The following PPP4R4 variants were observed in gnomAD, a reference collection of about 807,000 sequenced individuals.
PPP4R4 encodes the protein protein phosphatase 4 regulatory subunit 4.
Under a neutral mutation model 121.8 loss-of-function variants are expected in PPP4R4, and 70 were observed. The ratio of observed to expected loss-of-function variants is 0.57; its 90% CI spans 0.47 to 0.70. PPP4R4 has a LOEUF of 0.70. Ranked by LOEUF, PPP4R4 falls within the 30% of genes least tolerant of loss-of-function variation. The pLI is 0.00. For missense variants in PPP4R4, 875 were observed against 1,033.6 expected, an observed-to-expected ratio of 0.85 and a Z score of 2.10; for synonymous variants, 348 against 355.7, an observed-to-expected ratio of 0.98 and a Z score of 0.24.
chr14:94,254,042 C>T (rs146665937), intron 16 of PPP4R4, among the ~76,000 whole-genome samples: 1 of 152,292 alleles, frequency 6.6e-6, no homozygotes, highest in Non-Finnish European at 1.5e-5. Flanking sequence ...CTTCTGTGTG[C>T]ATTGATTTCC....
intron 3 of PPP4R4, among the ~76,000 whole-genome samples, chr14:94,224,802 G>A (rs769163152): frequency 5.9e-5 from 9 of 152,130 alleles, no homozygotes; most frequent in Admixed American, 2.0e-4. Flanking sequence ...ATTTAAAGTC[G>A]TTGGTGTGGA....
Position 94,241,945 on chromosome 14 carries a change from T to C in PPP4R4, c.1134T>C (p.Ala378=). Reference sequence around the variant, plus strand: ...ATATTTCAGTACGGAAGAACTGTGCTTATAACTTTCCGGTAATAAATATGT... The same window carrying C: ...ATATTTCAGTACGGAAGAACTGTGCCTATAACTTTCCGGTAATAAATATGT... ...KKYISVRKNC[A]YNFPAMIVFV... The change falls in exon 10 of 25, where the codon GCT becomes GCC. Residue 378 remains alanine, a synonymous_variant. Coordinates refer to ENST00000304338, the MANE Select transcript of PPP4R4 (RefSeq NM_058237.2). 2.5e-6 allele frequency: 4 copies of C among 1,591,390 alleles called. No individual in the cohort carries two copies. Among genetic ancestry groups the C allele is most frequent in the Non-Finnish European group, 3.4e-6 (4 of 1,171,934 alleles).
Position 94,259,369 on chromosome 14 carries a change from G to A in PPP4R4, c.2127G>A (p.Met709Ile). Residue 709 changes from methionine to isoleucine, a missense_variant and splice_region_variant, in exon 19 of 25, where the codon ATG (methionine) becomes ATA (isoleucine). By Grantham distance (10) the Met-to-Ile change is conservative (BLOSUM62 1). Coordinates refer to ENST00000304338, the MANE Select transcript of PPP4R4 (RefSeq NM_058237.2). ...GAGAAGAACTACTTCTTTTGGAAAT[G>A]GTATGTTGTTTTCACATGCACACAC... ...KEREELLLLE[M>I]EQLEKEKQQN... 1 of 1,606,840 alleles carries A rather than the reference G, an allele frequency of 6.2e-7. No individual in the cohort carries two copies. Among genetic ancestry groups the A allele is most frequent in the Non-Finnish European group, 8.5e-7 (1 of 1,177,718 alleles).
chr14:94,248,157 G>GA (rs1892991825), intron 14 of PPP4R4, among the ~76,000 whole-genome samples: 1 of 152,156 alleles, frequency 6.6e-6, no homozygotes. Context: ...TCTATACCTA[G>GA]AAAACCCTAA....
chr14:94,207,685 G>T (rs1048292215), intron 2 of PPP4R4, among the ~76,000 whole-genome samples: 5 of 151,058 alleles, frequency 3.3e-5, no homozygotes, highest in Admixed American at 2.6e-4. Flanking sequence ...GCATCTTTTT[G>T]ATATATATAT....
chr14:94,262,542 T>C (rs949208888), intron 19 of PPP4R4, among the ~76,000 whole-genome samples: 3 of 151,990 alleles, frequency 2.0e-5, no homozygotes, highest in African/African-American at 7.2e-5. Context: ...TACAAATCTC[T>C]TTACCTCCTC....
chr14:94,208,675 T>C lies in PPP4R4; in HGVS notation c.294+109T>C, dbSNP rs1045348098. ...ATGGCTGATCTTTTGCACCTAAAAA[T>C]TGAGTGGAGGAAGTGTTATTATATA... On this transcript the variant is annotated intron_variant, in intron 3 of 24. Coordinates refer to ENST00000304338, the MANE Select transcript of PPP4R4 (RefSeq NM_058237.2). The C allele has an allele frequency of 2.1e-5, 15 of 704,942 alleles. No individual in the cohort carries two copies. In the African/African-American group the frequency reaches 2.5e-4, roughly 12 times the overall value. The allele number at this position is 704,942 out of a possible 1,614,324, so 43.7% of individuals were successfully genotyped here.
chr14:94,262,210 T>G (rs1443378471), intron 19 of PPP4R4, among the ~76,000 whole-genome samples: 1 of 152,058 alleles, frequency 6.6e-6, no homozygotes, highest in Non-Finnish European at 1.5e-5. Context: ...GATAATTGAT[T>G]CTATTTCCTT....
intron 19 of PPP4R4, among the ~76,000 whole-genome samples, chr14:94,264,475 T>G (rs1460014954): frequency 6.6e-6 from 1 of 152,136 alleles, no homozygotes; most frequent in Non-Finnish European, 1.5e-5. Flanking sequence ...TATACTTAAA[T>G]AAAGCATTTA....
At chr14:94,269,231 C>T (rs1363234490) in intron 23 of PPP4R4, among the ~76,000 whole-genome samples, 2 of 152,094 alleles carry the variant, frequency 1.3e-5, no homozygotes, top group African/African-American at 2.4e-5. Context: ...TTAAGGTATG[C>T]TAGGATTTTG....
At chr14:94,210,849 A>G (rs905706290) in intron 3 of PPP4R4, among the ~76,000 whole-genome samples, 3 of 152,026 alleles carry the variant, frequency 2.0e-5, no homozygotes, top group Admixed American at 2.0e-4. Context: ...ACATTTAATC[A>G]CTCCCATTTC....
chr14:94,184,632 C>T (rs914311035), intron 2 of PPP4R4, among the ~76,000 whole-genome samples: 5 of 152,136 alleles, frequency 3.3e-5, no homozygotes, highest in East Asian at 1.9e-4. Flanking sequence ...TAAATCTGTA[C>T]GTCTTTCAGT....
At chr14:94,191,733 A>G (rs1889614115) in intron 2 of PPP4R4, among the ~76,000 whole-genome samples, 2 of 152,192 alleles carry the variant, frequency 1.3e-5, no homozygotes, top group Non-Finnish European at 1.5e-5. Flanking sequence ...CTGTTTTGAC[A>G]TGGCATTGAT....
At chr14:94,245,693 A>G (rs1012838325) in intron 13 of PPP4R4, 23 bp downstream of exon 13, 1 of 1,489,544 alleles carries the variant, frequency 6.7e-7, no homozygotes, top group Non-Finnish European at 9.3e-7. Context: ...TTTCAGAAAC[A>G]TTCTGAGTTG....
rs897422584 is a variant in PPP4R4 at position 94,228,983 on chromosome 14, G to A, written c.295-1604G>A. ...TTTGAGTAGAGGCTTGAAAGAGGTA[G>A]GGGAGCCAGCCATATGGAAATCCAG... On this transcript the variant is annotated intron_variant, in intron 3 of 24. Coordinates refer to ENST00000304338, the MANE Select transcript of PPP4R4 (RefSeq NM_058237.2). 3.3e-5 allele frequency among the ~76,000 whole-genome samples: 5 copies of A among 152,102 alleles called. No individual in the cohort carries two copies. The East Asian group carries it at 9.6e-4, about 29-fold the overall frequency.
intron 3 of PPP4R4, among the ~76,000 whole-genome samples, chr14:94,212,508 T>C (rs1890796606): frequency 6.6e-6 from 1 of 152,162 alleles, no homozygotes; most frequent in Non-Finnish European, 1.5e-5. Context: ...CATCTGAAGG[T>C]TAAATTTAGC....
chr14:94,177,995 GTTC>G (rs1426134072), intron 2 of PPP4R4, among the ~76,000 whole-genome samples: 3 of 152,192 alleles, frequency 2.0e-5, no homozygotes, highest in Non-Finnish European at 4.4e-5. Flanking sequence ...CTCCAACTGA[GTTC>G]TTCTTTTGTA....
intron 2 of PPP4R4, among the ~76,000 whole-genome samples, chr14:94,188,888 TA>T (rs928270129): frequency 5.9e-5 from 9 of 152,140 alleles, no homozygotes; most frequent in African/African-American, 9.6e-5. Context: ...TAAAAAGGGT[TA>T]AAAAATCCCA....
At chr14:94,195,069 G>GTC (rs1215495775) in intron 2 of PPP4R4, among the ~76,000 whole-genome samples, 2 of 152,186 alleles carry the variant, frequency 1.3e-5, no homozygotes, top group African/African-American at 4.8e-5. Context: ...AACATATGCA[G>GTC]TCTACTGTCA....
Sources: gnomAD v4.1 joint callset for allele counts (sites outside exome capture counted in the v4.1 genomes callset) on GRCh38, gnomAD v4.1.1 for gene constraint, MANE v1.5 for transcripts, NCBI Gene and HGNC (gene_info 2026-07-23, HGNC 2026-07-21) for gene names.